The following NTRK1 variants were observed in gnomAD, a reference collection of about 807,000 sequenced individuals.
NTRK1 encodes the protein high affinity nerve growth factor receptor.
A neutral mutation model predicts 86.8 loss-of-function variants in NTRK1; 62 were observed. That is an observed-to-expected ratio of 0.71 (90% CI 0.58 to 0.88). The LOEUF (loss-of-function observed/expected upper bound fraction) is 0.88, where lower values mean the gene tolerates loss of function less well. NTRK1 is among the 40% of genes least tolerant of loss of function. The probability of loss-of-function intolerance (pLI) is 0.00; values close to 1 mark genes in which losing one functional copy is unlikely to be tolerated. For synonymous variants in NTRK1, 469 were observed against 456.6 expected (o/e 1.03, Z -0.35); for missense variants, 967 against 1,078.4 (o/e 0.90, Z 1.45).
rs182639113 is a variant in NTRK1, at chr1:156,844,670, A to C, written c.50+2477A>C. On this transcript the variant is annotated intron_variant, in intron 2 of 16. Transcript: ENST00000392302. The stretch of plus-strand genomic sequence containing the variant: ...CTGGCTGGGAAGGCGATGTAGGCAC[A>C]AAACGGGGCTGGGACGGGGGTCCCA... 6 of 1,614,008 alleles carry C rather than the reference A, an allele frequency of 3.7e-6. No homozygotes were observed. The African/African-American group carries it at 4.0e-5, about 11-fold the overall frequency.
intron 2 of NTRK1, among the ~76,000 whole-genome samples, chr1:156,850,534 CTTTTTTTTTTTTTTT>C (rs35237064): frequency 0.16 from 9,317 of 58,768 alleles, 584 homozygotes; most frequent in African/African-American, 0.25. Context: ...TTAAAACATT[CTTTTTTTTTTTTTTT>C]TTTTTTTTTT....
intron 1 of NTRK1, among the ~76,000 whole-genome samples, chr1:156,833,331 C>T (rs1285905208): frequency 1.3e-5 from 2 of 152,088 alleles, no homozygotes; most frequent in Non-Finnish European, 1.5e-5. Flanking sequence ...CCGAGGCGGG[C>T]AGATCACCTG....
chr1:156,879,392 C>A lies in NTRK1; in HGVS notation c.2046+30C>A, dbSNP rs752960154. The A allele has an allele frequency of 2.0e-5, 32 of 1,582,246 alleles. No homozygotes were observed. The South Asian group carries it at 3.5e-4, about 17-fold the overall frequency. ...GGGTCCTTTGTCCCCAACGCCTTCC[C>A]CTGCATCCAAACTGTAGACACCCTG... On this transcript the variant is annotated intron_variant, in intron 15 of 16. Transcript: ENST00000524377.
At chr1:156,828,879 G>A (rs1304353761) in intron 1 of NTRK1, among the ~76,000 whole-genome samples, 1 of 152,240 alleles carries the variant, frequency 6.6e-6, no homozygotes, top group African/African-American at 2.4e-5. Flanking sequence ...TTTGTCAACT[G>A]TAAAAGGCTG....
chr1:156,827,510 C>A (rs2148907), intron 1 of NTRK1, among the ~76,000 whole-genome samples: 87,201 of 151,814 alleles, frequency 0.57, 26,347 homozygotes, highest in East Asian at 0.85. Flanking sequence ...GATCCATACA[C>A]CTCGGCCTCC....
rs1653958985 is a variant in NTRK1, at chr1:156,816,600, AAG to A, written c.-64+763_-64+764del. On this transcript the variant is annotated intron_variant, in intron 1 of 16. Transcript: ENST00000392302. ...CCCCTCATCCCTGAAGTGGGAGCTC[AAG>A]CCCAGGAGGGAGGGCAGGGGGATGG... 4.7e-6 allele frequency: 7 copies of A among 1,495,142 alleles called. No homozygotes were observed. In the South Asian group the frequency reaches 7.4e-5, roughly 16 times the overall value. 92.6% of individuals were successfully genotyped at this position (1,495,142 alleles called of 1,614,324 possible).
At position 156,881,504 on chromosome 1, in the gene NTRK1, C is replaced by G. The variant is rs2102930807; in HGVS notation, c.2253C>G (p.Ala751=). The G allele has an allele frequency of 6.3e-7, 1 of 1,594,940 alleles. No individual in the cohort carries two copies. Among genetic ancestry groups the G allele is most frequent in the Non-Finnish European group, 8.5e-7 (1 of 1,170,970 alleles). The change falls in exon 17 of 17, where the codon GCC becomes GCG. Residue 751 remains alanine (A), a synonymous_variant. Transcript: ENST00000524377. ...TQGRELERPR[A]CPPEVYAIMR... ...GACGTGAGTTGGAGCGGCCACGTGC[C>G]TGCCCACCAGAGGTCTACGCCATCA...
chr1:156,830,132 C>G (rs1293643496), intron 1 of NTRK1, among the ~76,000 whole-genome samples: 2 of 152,264 alleles, frequency 1.3e-5, no homozygotes, highest in African/African-American at 4.8e-5. Context: ...CTGAACGCTG[C>G]TTTGCACAGC....
At chr1:156,859,953 G>C (rs1655552984), upstream of NTRK1, among the ~76,000 whole-genome samples, 1 of 152,232 alleles carries the variant, frequency 6.6e-6, no homozygotes, top group African/African-American at 2.4e-5. The surrounding 1 kb of genome is among the most constrained non-coding windows in gnomAD (Gnocchi z 6.2). Flanking sequence ...TGGGGATCCC[G>C]GGGCTTTCCA....
rs560923412 is a variant in NTRK1, at chr1:156,880,414, G to A, written c.2205+257G>A. ...GGAACCTCAAAGTGCTTTGTACAAG[G>A]AGCCCAGACCCCCATCCCTAGCTGC... On this transcript the variant is annotated intron_variant, in intron 16 of 16. Transcript: ENST00000524377. 20 of 561,124 alleles carry A rather than the reference G, an allele frequency of 3.6e-5. No homozygotes were observed. The East Asian group carries it at 5.7e-4, about 16-fold the overall frequency. The allele number at this position is 561,124 out of a possible 1,614,324, so 34.8% of individuals were successfully genotyped here.
rs555013908 is a variant in NTRK1 at position 156,877,898 on chromosome 1, G to A, written c.1806-1224G>A. ...CCATGCAGGGTGTGGAGCAGGAGGC[G>A]AGGCCAGACCCAAGGTTGAGTGTGG... On this transcript the variant is annotated intron_variant, in intron 14 of 16. Coordinates refer to ENST00000524377, the MANE Select transcript of NTRK1 (RefSeq NM_002529.4). Among the ~76,000 whole-genome samples the A allele has an allele frequency of 1.2e-4, 18 of 152,292 alleles. No individual in the cohort carries two copies. The East Asian group carries it at 1.9e-3, about 16-fold the overall frequency.
chr1:156,816,383 G>A (rs1360973693), intron 1 of NTRK1, among the ~76,000 whole-genome samples: 1 of 152,174 alleles, frequency 6.6e-6, no homozygotes, highest in African/African-American at 2.4e-5. Context: ...TCACTTCAGG[G>A]CAGGCCCTTC....
At position 156,868,657 on chromosome 1, in the gene NTRK1, C is replaced by T. The variant is rs765301201; in HGVS notation, c.717+10C>T. On this transcript the variant is annotated intron_variant, in intron 6 of 16. Transcript: ENST00000524377. The stretch of plus-strand genomic sequence containing the variant: ...GTCAGCCACGGTGATGGTGAGAAGA[C>T]CTTCGCTGGCAGCCCCCAAGAGGTC... 6.5e-7 allele frequency: 1 copy of T among 1,550,230 alleles called. No individual in the cohort carries two copies. The highest frequency in any genetic ancestry group is 8.7e-7 in the Non-Finnish European group (1 of 1,146,976).
At chr1:156,818,620 C>T (rs1654093736) in intron 1 of NTRK1, among the ~76,000 whole-genome samples, 1 of 152,140 alleles carries the variant, frequency 6.6e-6, no homozygotes, top group African/African-American at 2.4e-5. Flanking sequence ...TAATGGCCTC[C>T]AGCTCCAACC....
intron 2 of NTRK1, chr1:156,844,213 G>C (rs1391437469): frequency 3.1e-6 from 5 of 1,613,838 alleles, no homozygotes; most frequent in Non-Finnish European, 4.2e-6. Context: ...CAGCAAGAAC[G>C]ATGAGCAGCG....
rs1655817806 is a variant in NTRK1 at position 156,864,203 on chromosome 1, G to T, written c.213-151G>T. 3 of 727,120 alleles carry T rather than the reference G, an allele frequency of 4.1e-6. 1 individual carries two copies. The South Asian group carries it at 4.5e-5, about 11-fold the overall frequency. The allele number at this position is 727,120 out of a possible 1,614,324, so 45.0% of individuals were successfully genotyped here. ...TGTGCACATGTATGCATTTGTGTGT[G>T]CACGCCTGTGTAAGTGTGTATGCAG... On this transcript the variant is annotated intron_variant, in intron 1 of 16. Transcript: ENST00000524377.
At chr1:156,835,791 C>T (rs58160143) in intron 1 of NTRK1, among the ~76,000 whole-genome samples, 15,702 of 152,184 alleles carry the variant, frequency 0.1, 1,005 homozygotes, top group African/African-American at 0.17. Context: ...CATCCATTAT[C>T]TTATTTCAGC....
At chr1:156,828,955 T>C (rs919269512) in intron 1 of NTRK1, among the ~76,000 whole-genome samples, 3 of 152,164 alleles carry the variant, frequency 2.0e-5, no homozygotes, top group Admixed American at 6.5e-5. Flanking sequence ...CAATAAAAAG[T>C]GGAAGTCCAT....
intron 1 of NTRK1, chr1:156,841,244 T>C (rs1654768193): frequency 1.1e-6 from 1 of 926,610 alleles, no homozygotes; most frequent in Admixed American, 2.1e-5. Flanking sequence ...TAAATGGGAG[T>C]CTTGGGGGTT....
Sources: allele counts gnomAD v4.1 joint callset (sites outside exome capture counted in the v4.1 genomes callset), GRCh38; gene constraint gnomAD v4.1.1; non-coding constraint Gnocchi (gnomAD v3.1); transcripts MANE v1.5; gene names NCBI Gene and HGNC (gene_info 2026-07-23, HGNC 2026-07-21).